KIF3C: variants seen among roughly 807,000 people sequenced by gnomAD.
KIF3C encodes the protein kinesin family member 3C.
Under a neutral mutation model 67.7 loss-of-function variants are expected in KIF3C, and 12 were observed. The observed-to-expected ratio is 0.18, with a 90% CI of 0.11 to 0.29. The LOEUF is 0.29. Among genes scored for constraint, KIF3C ranks in the 10% least tolerant of loss-of-function variants. The pLI, the probability that KIF3C is intolerant of heterozygous loss-of-function variation, is 1.00. For missense variants in KIF3C, 789 were observed against 1,059.6 expected (o/e 0.74, Z 3.55); for synonymous variants, 393 against 426.2 (o/e 0.92, Z 0.96).
At chr2:25,965,524 G>C (rs1385914681) in intron 1 of KIF3C, among the ~76,000 whole-genome samples, 2 of 151,620 alleles carry the variant, frequency 1.3e-5, no homozygotes, top group Admixed American at 6.6e-5. Context: ...GTCCAGGCTG[G>C]AGTGCAGTGG....
chr2:25,958,749 T>C lies in KIF3C; in HGVS notation c.1546-2305A>G, dbSNP rs1314922596. ...CCTCTTACTATTCATGCTCTGCGTATGCTCTGTACTCCAGCCTCACCAAGA... is the reference window on the plus strand; with the variant it reads ...CCTCTTACTATTCATGCTCTGCGTACGCTCTGTACTCCAGCCTCACCAAGA... On this transcript the variant is annotated intron_variant, in intron 1 of 7. Transcript: ENST00000264712. This position sits in a 1 kb window ranked among gnomAD's most constrained non-coding sequence, Gnocchi z 4.5. Among the ~76,000 whole-genome samples, 1 of 152,180 alleles carries C rather than the reference T, an allele frequency of 6.6e-6. No homozygotes were observed. Among genetic ancestry groups the C allele is most frequent in the African/African-American group, 2.4e-5 (1 of 41,450 alleles).
intron 5 of KIF3C, among the ~76,000 whole-genome samples, chr2:25,950,990 T>C (rs979142776): frequency 6.6e-6 from 1 of 152,166 alleles, no homozygotes; most frequent in African/African-American, 2.4e-5. Context: ...TGTAGACCTC[T>C]TGCTAGCTTC....
intron 4 of KIF3C, among the ~76,000 whole-genome samples, chr2:25,952,746 TG>T (rs1330755175): frequency 6.6e-6 from 1 of 151,692 alleles, no homozygotes; most frequent in East Asian, 1.9e-4. Flanking sequence ...TTAGTAGAGA[TG>T]GGGTTTCACC....
chr2:25,960,687 A>G (rs1408716392), intron 1 of KIF3C, among the ~76,000 whole-genome samples: 1 of 152,216 alleles, frequency 6.6e-6, no homozygotes, highest in Non-Finnish European at 1.5e-5. Context: ...CTGTAATTGC[A>G]GCACTTTGGG....
In KIF3C at chr2:25,927,734, T is replaced by C. The variant is rs2090423749; in HGVS notation, c.*1244A>G. 1.3e-5 allele frequency: 2 copies of C among 152,154 alleles called. No homozygotes were observed. The highest frequency in any genetic ancestry group is 6.6e-5 in the Admixed American group (1 of 15,224). The allele number at this position is 152,154 out of a possible 1,614,324, so 9.4% of individuals were successfully genotyped here. A position where few individuals can be genotyped will look rare whatever the true frequency, so the allele number is the denominator to read the frequency against. On this transcript the variant is annotated 3_prime_UTR_variant, in exon 8 of 8. Transcript: ENST00000264712. ...GCTTTCGTTATGACCTCTTCACCCG[T>C]CCTCCAAAATATACACTTAAAAAGC... is the stretch of plus-strand genomic sequence containing the variant.
At chr2:25,957,037 G>A (rs188687867) in intron 1 of KIF3C, among the ~76,000 whole-genome samples, 7 of 152,326 alleles carry the variant, frequency 4.6e-5, no homozygotes, top group African/African-American at 1.4e-4. Flanking sequence ...CACTTACCTC[G>A]AGGCTTTGGG....
chr2:25,954,336 T>A lies in KIF3C; in HGVS notation c.1820A>T (p.Asp607Val), dbSNP rs1424983154. The A allele has an allele frequency of 6.2e-7, 1 of 1,614,104 alleles. No individual in the cohort carries two copies. The highest frequency in any genetic ancestry group is 2.2e-5 in the East Asian group (1 of 44,868). ...AVKAEIQDQH[D>V]EYIRVRQDLE... ...GTCCTGCCGCACGCGGATATACTCATCATGCTGGTCCTGGATCTCCGCCTT... is the reference window on the plus strand; with the variant it reads ...GTCCTGCCGCACGCGGATATACTCAACATGCTGGTCCTGGATCTCCGCCTT... Residue 607 changes from aspartate (D) to valine (V), a missense_variant, in exon 4 of 8, where the codon GAT (aspartate) becomes GTT (valine). Physicochemically the swap from Asp to Val is radical, Grantham distance 152. Coordinates refer to ENST00000264712, the MANE Select transcript of KIF3C (RefSeq NM_002254.8).
Position 25,954,301 on chromosome 2 carries a change from C to A in KIF3C, c.1855G>T (p.Ala619Ser), listed in dbSNP as rs1030570982. 34 of 1,614,054 alleles carry A rather than the reference C, an allele frequency of 2.1e-5. No homozygotes were observed. Among genetic ancestry groups the A allele is most frequent in the Non-Finnish European group, 2.7e-5 (32 of 1,180,024 alleles). The change falls in exon 4 of 8, where the codon GCG (alanine) becomes TCG (serine). Residue 619 changes from alanine to serine, a missense_variant. This residue lies in a region of KIF3C where 648 missense variants were observed against 807.8 expected (regional missense o/e 0.80). Transcript: ENST00000264712. ...AGTTCGCGGGTCTGCTCGTTCTGCGCCTCCTCCAGGTCCTGCCGCACGCGG... is the reference window on the plus strand; with the variant it reads ...AGTTCGCGGGTCTGCTCGTTCTGCGACTCCTCCAGGTCCTGCCGCACGCGG... ...YIRVRQDLEE[A>S]QNEQTRELKL...
chr2:25,961,832 C>A (rs1420872051), intron 1 of KIF3C, among the ~76,000 whole-genome samples: 1 of 152,108 alleles, frequency 6.6e-6, no homozygotes, highest in African/African-American at 2.4e-5. Context: ...AGCCTGTAAT[C>A]CCAGCACTTT....
chr2:25,937,621 A>G (rs1349041650), intron 5 of KIF3C, among the ~76,000 whole-genome samples: 1 of 152,242 alleles, frequency 6.6e-6, no homozygotes, highest in African/African-American at 2.4e-5. Flanking sequence ...TACACAGTTC[A>G]TCTGAACTTA....
rs760060555 is a variant in KIF3C, at chr2:25,981,849, C to T, written c.69G>A (p.Lys23=). ...TCTGCTCGTGACCAGCAGCCTCCTC[C>T]TTCCTGCTGAGGGGGCGGCACCGGG... ...VVARCRPLSR[K]EEAAGHEQIL... The change falls in exon 1 of 8, where the codon AAG becomes AAA. Residue 23 remains lysine (K), a synonymous_variant. Coordinates refer to ENST00000264712, the MANE Select transcript of KIF3C (RefSeq NM_002254.8). This position sits in a 1 kb window ranked among gnomAD's most constrained non-coding sequence, Gnocchi z 8.2. 1.2e-6 allele frequency: 2 copies of T among 1,606,342 alleles called. No homozygotes were observed. Among genetic ancestry groups the T allele is most frequent in the African/African-American group, 1.3e-5 (1 of 74,842 alleles).
In KIF3C at chr2:25,971,871, C is replaced by CTTTTTTTT. The variant is rs70950146; in HGVS notation, c.1545+8494_1545+8501dup. 2.2e-3 allele frequency among the ~76,000 whole-genome samples: 116 copies of CTTTTTTTT among 53,788 alleles called. 10 individuals carry two copies. Among genetic ancestry groups the CTTTTTTTT allele is most frequent in the South Asian group, 4.3e-3 (6 of 1,400 alleles). 35.3% of individuals were successfully genotyped at this position (53,788 alleles called of 152,430 possible). On this transcript the variant is annotated intron_variant, in intron 1 of 7. Coordinates refer to ENST00000264712, the MANE Select transcript of KIF3C (RefSeq NM_002254.8). ...TACAGGCATGCAGTACCATGCCTAGCTTTTTTTTTTTTTTTTTTTTTTTTT... is the reference window on the plus strand; with the variant it reads ...TACAGGCATGCAGTACCATGCCTAGCTTTTTTTTTTTTTTTTTTTTTTTTTTTTTTTTT...
At position 25,929,091 on chromosome 2, in the gene KIF3C, G is replaced by A. The variant is rs558729501; in HGVS notation, c.2289-20C>T. ...TGGCACCTGCAGGGGAGATGACGCA[G>A]GCGAAAGGGGAGGTTAGGGAAATAC... On this transcript the variant is annotated intron_variant, in intron 7 of 7. Coordinates refer to ENST00000264712, the MANE Select transcript of KIF3C (RefSeq NM_002254.8). The A allele has an allele frequency of 3.8e-4, 616 of 1,602,792 alleles. 12 individuals are homozygous for A. The South Asian group carries it at 6.2e-3, about 16-fold the overall frequency.
At chr2:25,954,444 C>G in intron 3 of KIF3C, 59 bp from the exon 4 acceptor site, 1 of 1,315,620 alleles carries the variant, frequency 7.6e-7, no homozygotes, top group South Asian at 1.2e-5. Flanking sequence ...GCCCCAGTCA[C>G]CCAGCCTGGG....
At chr2:25,948,654 AAGAG>A (rs1168997807) in intron 5 of KIF3C, among the ~76,000 whole-genome samples, 2 of 150,306 alleles carry the variant, frequency 1.3e-5, no homozygotes, top group Admixed American at 6.7e-5. Flanking sequence ...GAAAGAGAGA[AAGAG>A]AAAGAGAGAA....
At position 25,976,760 on chromosome 2, in the gene KIF3C, CA is replaced by C. The variant is rs1225023757; in HGVS notation, c.1545+3612del. On this transcript the variant is annotated intron_variant, in intron 1 of 7. Coordinates refer to ENST00000264712, the MANE Select transcript of KIF3C (RefSeq NM_002254.8). ...CAGCAACAAGAACGAAACTCCATCT[CA>C]AAAAAAAAGTTAATTTCAAAATTAA... Among the ~76,000 whole-genome samples the C allele has an allele frequency of 3.3e-5, 5 of 151,000 alleles. No homozygotes were observed. In the East Asian group the frequency reaches 9.7e-4, roughly 29 times the overall value.
intron 4 of KIF3C, 25 bp downstream of exon 4, chr2:25,954,242 G>C (rs1483049980): frequency 1.9e-6 from 3 of 1,556,190 alleles, no homozygotes; most frequent in South Asian, 1.1e-5. Context: ...TGGGGACCCG[G>C]GATGAAAAGA....
chr2:25,933,292 A>T (rs1012745902), intron 5 of KIF3C, among the ~76,000 whole-genome samples: 4 of 151,888 alleles, frequency 2.6e-5, no homozygotes, highest in African/African-American at 9.7e-5. Context: ...ATCTCAATAG[A>T]TATTTCTCAG....
intron 5 of KIF3C, chr2:25,938,398 G>A: frequency 2.6e-6 from 1 of 383,354 alleles, no homozygotes; most frequent in East Asian, 7.4e-5. Context: ...TTTGAATCGG[G>A]CAACACCTCA....
Sources: allele counts gnomAD v4.1 joint callset (sites outside exome capture counted in the v4.1 genomes callset), GRCh38; gene constraint gnomAD v4.1.1; regional missense constraint gnomAD v4.1.1; non-coding constraint Gnocchi (gnomAD v3.1); transcripts MANE v1.5; gene names NCBI Gene and HGNC (gene_info 2026-07-23, HGNC 2026-07-21).